The following PCSK6 variants were observed in gnomAD, a reference collection of about 807,000 sequenced individuals.
PCSK6 encodes the protein paired basic amino acid cleaving enzyme 4.
A neutral mutation model predicts 123.3 loss-of-function variants in PCSK6; 85 were observed. The observed-to-expected ratio is 0.69, with a 90% CI of 0.58 to 0.83. The LOEUF is 0.83. Ranked by LOEUF, PCSK6 falls within the 40% of genes least tolerant of loss-of-function variation. PCSK6 has a pLI of 0.00. For synonymous variants in PCSK6, 508 were observed against 516.0 expected, an observed-to-expected ratio of 0.98 and a Z score of 0.21; for missense variants, 1,191 against 1,282.3, an observed-to-expected ratio of 0.93 and a Z score of 1.09.
In PCSK6 at chr15:101,326,363, G is replaced by A. The variant is rs1212606102; in HGVS notation, c.2180+14C>T. 9.6e-6 allele frequency: 15 copies of A among 1,555,242 alleles called. No individual in the cohort carries two copies. Among genetic ancestry groups the A allele is most frequent in the Middle Eastern group, 1.7e-4 (1 of 6,020 alleles). On this transcript the variant is annotated intron_variant, in intron 16 of 21. Coordinates refer to ENST00000611716, the MANE Select transcript of PCSK6 (RefSeq NM_002570.5). ...ACTGAGTGGTGAGCCACAGGGCTGC[G>A]GGACATGCATTACCTGCTGGTCTTG...
intron 2 of PCSK6, among the ~76,000 whole-genome samples, chr15:101,441,090 G>A (rs1203012966): frequency 6.6e-6 from 1 of 152,196 alleles, no homozygotes; most frequent in Non-Finnish European, 1.5e-5. Flanking sequence ...CTGGCAGGAT[G>A]CATTGATAGA....
At chr15:101,307,702 C>T (rs916698739) in intron 20 of PCSK6, 16 of 211,982 alleles carry the variant, frequency 7.5e-5, no homozygotes, top group Admixed American at 1.1e-4. Context: ...CAGCGGCTGC[C>T]GGGCTGCGAT....
chr15:101,347,114 A>C, intron 13 of PCSK6: 2 of 1,231,730 alleles, frequency 1.6e-6, no homozygotes, highest in Non-Finnish European at 2.0e-6. Flanking sequence ...TGGGAGTGAT[A>C]CTCTATAATT....
chr15:101,478,225 C>T (rs975676266), intron 1 of PCSK6, among the ~76,000 whole-genome samples: 1 of 152,154 alleles, frequency 6.6e-6, no homozygotes, highest in African/African-American at 2.4e-5. Flanking sequence ...TCTCAGTTTG[C>T]TCATCTGTGT....
At chr15:101,429,104 A>G (rs1390563448) in intron 5 of PCSK6, among the ~76,000 whole-genome samples, 1 of 152,168 alleles carries the variant, frequency 6.6e-6, no homozygotes, top group Non-Finnish European at 1.5e-5. Flanking sequence ...AAACTAAAAG[A>G]CTATAATCGG....
chr15:101,389,321 G>A, intron 9 of PCSK6, 143 bp downstream of exon 9: 1 of 667,428 alleles, frequency 1.5e-6, no homozygotes, highest in Non-Finnish European at 2.7e-6. Flanking sequence ...GGAGAGGGAT[G>A]GTGGTGCAGG....
chr15:101,400,597 C>G (rs1181463675), intron 6 of PCSK6, among the ~76,000 whole-genome samples: 1 of 152,232 alleles, frequency 6.6e-6, no homozygotes, highest in South Asian at 2.1e-4. Flanking sequence ...AGGTGACACC[C>G]TCCCTAGGTG....
At chr15:101,386,817 C>T (rs1010964582) in intron 9 of PCSK6, among the ~76,000 whole-genome samples, 3 of 152,220 alleles carry the variant, frequency 2.0e-5, no homozygotes, top group Admixed American at 6.5e-5. Flanking sequence ...GGTATCTACC[C>T]GAGTCCCTGC....
chr15:101,480,339 C>T (rs777882536), intron 1 of PCSK6, among the ~76,000 whole-genome samples: 1 of 152,258 alleles, frequency 6.6e-6, no homozygotes, highest in African/African-American at 2.4e-5. Context: ...GGCAGAGCCA[C>T]AGGTCGGGCG....
intron 11 of PCSK6, among the ~76,000 whole-genome samples, chr15:101,374,137 C>T (rs1019519030): frequency 2.0e-5 from 3 of 152,154 alleles, no homozygotes; most frequent in Admixed American, 6.5e-5. Flanking sequence ...CACATTTCAA[C>T]GTTAATTACT....
chr15:101,376,297 C>T (rs2041740041), intron 11 of PCSK6, among the ~76,000 whole-genome samples: 1 of 151,990 alleles, frequency 6.6e-6, no homozygotes, highest in Non-Finnish European at 1.5e-5. Context: ...TTGAAATGGC[C>T]CCAAGTGCAG....
Position 101,350,030 on chromosome 15 carries a change from TC to T in PCSK6, c.1858+16165del, listed in dbSNP as rs568468273. Among the ~76,000 whole-genome samples the T allele has an allele frequency of 2.1e-3, 312 of 152,108 alleles. 2 individuals are homozygous for T. The highest frequency in any genetic ancestry group is 7.3e-3 in the African/African-American group (301 of 41,494). ...TTCAAGCAATTCTCCTGCCTCAGCC[TC>T]CCGAGTAGCTGAGACTACAGGTGCA... On this transcript the variant is annotated intron_variant, in intron 13 of 21. Transcript: ENST00000611716.
chr15:101,410,087 C>A (rs1440537336), intron 6 of PCSK6, among the ~76,000 whole-genome samples: 1 of 152,204 alleles, frequency 6.6e-6, no homozygotes, highest in Admixed American at 6.5e-5. Context: ...CATAAGCCAC[C>A]ATGCCTGGCT....
At chr15:101,488,604 C>G (rs1027186558) in intron 1 of PCSK6, among the ~76,000 whole-genome samples, 24 of 152,158 alleles carry the variant, frequency 1.6e-4, no homozygotes, top group East Asian at 1.9e-4. Context: ...GACATTGCCA[C>G]TGACTGCAAA....
At chr15:101,467,251 T>C (rs11858491) in intron 1 of PCSK6, among the ~76,000 whole-genome samples, 122,100 of 151,202 alleles carry the variant, frequency 0.81, 49,658 homozygotes, top group Non-Finnish European at 0.85. Flanking sequence ...CGGTCTTGTA[T>C]AAGGCTGTTC....
chr15:101,429,976 A>C lies in PCSK6; in HGVS notation c.734+11T>G. On this transcript the variant is annotated intron_variant, in intron 5 of 21. Transcript: ENST00000611716. Reference sequence around the variant, plus strand: ...GAAGAGAAGCCGGGGAGATGAGGCGAGGTGACGTACTTATTTTCATTGCTG... The same window carrying C: ...GAAGAGAAGCCGGGGAGATGAGGCGCGGTGACGTACTTATTTTCATTGCTG... 3 of 1,607,344 alleles carry C rather than the reference A, an allele frequency of 1.9e-6. No individual in the cohort carries two copies. The highest frequency in any genetic ancestry group is 2.6e-6 in the Non-Finnish European group (3 of 1,173,906).
At chr15:101,388,857 G>A (rs1454898165) in intron 9 of PCSK6, among the ~76,000 whole-genome samples, 1 of 152,218 alleles carries the variant, frequency 6.6e-6, no homozygotes, top group African/African-American at 2.4e-5. Context: ...GAAATTCATA[G>A]AGACAGAAAG....
intron 13 of PCSK6, among the ~76,000 whole-genome samples, chr15:101,345,211 C>A (rs1356694434): frequency 6.6e-6 from 1 of 152,166 alleles, no homozygotes; most frequent in Non-Finnish European, 1.5e-5. Context: ...ACATTTCAAC[C>A]AACATTTAAA....
chr15:101,417,959 C>T (rs570055562), intron 6 of PCSK6, among the ~76,000 whole-genome samples: 2 of 151,534 alleles, frequency 1.3e-5, no homozygotes, highest in South Asian at 2.1e-4. Flanking sequence ...GTGAAAAAAC[C>T]TATTTTATTA....
Sources: allele counts gnomAD v4.1 joint callset (sites outside exome capture counted in the v4.1 genomes callset), GRCh38; gene constraint gnomAD v4.1.1; transcripts MANE v1.5; gene names NCBI Gene and HGNC (gene_info 2026-07-23, HGNC 2026-07-21).